RBFOX1: variants seen among roughly 807,000 people sequenced by gnomAD.
RBFOX1 encodes RNA binding protein fox-1 homolog 1.
In RBFOX1, 8 loss-of-function variants were observed where a neutral mutation model predicts 57.7. The ratio of observed to expected loss-of-function variants is 0.14; its 90% CI spans 0.08 to 0.25. The LOEUF (loss-of-function observed/expected upper bound fraction) is 0.25, where lower values mean the gene tolerates loss of function less well. Ranked by LOEUF, RBFOX1 falls within the 10% of genes least tolerant of loss-of-function variation. The pLI is 1.00. For missense variants in RBFOX1, 611 were observed against 548.5 expected (o/e 1.11, Z -1.14); for synonymous variants, 326 against 222.4 (o/e 1.47, Z -4.15).
At chr16:7,106,984 AACAC>A (rs61104403) in intron 4 of RBFOX1, among the ~76,000 whole-genome samples, 139 of 148,628 alleles carry the variant, frequency 9.4e-4, no homozygotes, top group African/African-American at 3.0e-3. Context: ...ACACAGTTAA[AACAC>A]ACACACACAC....
intron 4 of RBFOX1, among the ~76,000 whole-genome samples, chr16:7,354,073 G>C (rs1328033249): frequency 6.6e-6 from 1 of 152,162 alleles, no homozygotes; most frequent in Non-Finnish European, 1.5e-5. Context: ...CCAGGTTCAA[G>C]CGATTCTCCT....
chr16:7,322,998 A>G (rs753259384), intron 4 of RBFOX1, among the ~76,000 whole-genome samples: 43 of 151,934 alleles, frequency 2.8e-4, no homozygotes, highest in Non-Finnish European at 3.2e-4. Context: ...TTCTCCAGCC[A>G]TCAAAGTCTT....
chr16:6,891,046 C>T (rs1453026849), intron 3 of RBFOX1, among the ~76,000 whole-genome samples: 3 of 152,148 alleles, frequency 2.0e-5, no homozygotes, highest in Non-Finnish European at 2.9e-5. Flanking sequence ...TCTGATTCCC[C>T]TTCATGTTCC....
chr16:6,372,788 G>A (rs2090637006), intron 2 of RBFOX1, among the ~76,000 whole-genome samples: 1 of 151,716 alleles, frequency 6.6e-6, no homozygotes, highest in Non-Finnish European at 1.5e-5. Context: ...AGTATTGTTG[G>A]GTGGAATGGA....
At chr16:7,370,535 C>T (rs1034026697) in intron 4 of RBFOX1, among the ~76,000 whole-genome samples, 3 of 152,182 alleles carry the variant, frequency 2.0e-5, no homozygotes, top group African/African-American at 4.8e-5. Context: ...TCCCTCCCCA[C>T]TCTTTTTAAC....
At chr16:5,559,717 G>T (rs1275133289) in intron 2 of RBFOX1, among the ~76,000 whole-genome samples, 1 of 152,130 alleles carries the variant, frequency 6.6e-6, no homozygotes, top group Non-Finnish European at 1.5e-5. Context: ...TTTCTTCCTA[G>T]GTCATTCTGT....
At chr16:6,199,785 A>G (rs895232921) in intron 1 of RBFOX1, among the ~76,000 whole-genome samples, 1 of 152,130 alleles carries the variant, frequency 6.6e-6, no homozygotes, top group African/African-American at 2.4e-5. Context: ...TATATTTTTA[A>G]AAATCTGTAT....
intron 1 of RBFOX1, among the ~76,000 whole-genome samples, chr16:6,202,616 A>G (rs772779044): frequency 6.6e-6 from 1 of 152,168 alleles, no homozygotes. Flanking sequence ...TTGAGGTATA[A>G]TTGGTATTAA....
In RBFOX1 at chr16:7,608,057, C is replaced by T. The variant is rs554988608; in HGVS notation, c.676+719C>T. 1.1e-3 allele frequency among the ~76,000 whole-genome samples: 171 copies of T among 152,316 alleles called. 1 individual carries two copies. Among genetic ancestry groups the T allele is most frequent in the Non-Finnish European group, 9.4e-4 (64 of 68,020 alleles). ...TCACTACTGCCTGTATGTCTCCTTG[C>T]TCTTGAACAAGGCTGCATTGAATAC... is the stretch of plus-strand genomic sequence containing the variant. On this transcript the variant is annotated intron_variant, in intron 10 of 15. Coordinates refer to ENST00000550418, the MANE Select transcript of RBFOX1 (RefSeq NM_018723.4).
intron 1 of RBFOX1, among the ~76,000 whole-genome samples, chr16:6,042,569 G>T (rs2152418640): frequency 6.6e-6 from 1 of 152,208 alleles, no homozygotes; most frequent in Admixed American, 6.5e-5. Flanking sequence ...AGGAGGTAGA[G>T]ATCTTTGGGA....
chr16:5,497,550 G>A (rs1417504117), intron 2 of RBFOX1, among the ~76,000 whole-genome samples: 2 of 150,408 alleles, frequency 1.3e-5, no homozygotes, highest in Non-Finnish European at 2.9e-5. Flanking sequence ...TGAGAGGCGG[G>A]TGAATCACCT....
intron 4 of RBFOX1, among the ~76,000 whole-genome samples, chr16:7,302,996 C>G (rs1042755114): frequency 6.6e-6 from 1 of 152,202 alleles, no homozygotes; most frequent in Non-Finnish European, 1.5e-5. Flanking sequence ...CTGCAGCCGA[C>G]GGAGTAATCT....
At chr16:6,793,982 A>G (rs2083452198) in intron 3 of RBFOX1, among the ~76,000 whole-genome samples, 1 of 152,154 alleles carries the variant, frequency 6.6e-6, no homozygotes, top group African/African-American at 2.4e-5. Flanking sequence ...GTGGTGTATG[A>G]TTCAGTAACT....
At chr16:6,777,431 A>G (rs1268691364) in intron 3 of RBFOX1, among the ~76,000 whole-genome samples, 1 of 152,168 alleles carries the variant, frequency 6.6e-6, no homozygotes, top group African/African-American at 2.4e-5. Context: ...GAAACCAACC[A>G]AATAACACTA....
chr16:7,241,939 A>T (rs1381478198), intron 4 of RBFOX1, among the ~76,000 whole-genome samples: 1 of 152,194 alleles, frequency 6.6e-6, no homozygotes, highest in Non-Finnish European at 1.5e-5. Context: ...AAATATGTAT[A>T]TCTGCATATG....
chr16:5,554,937 G>A (rs748388665), intron 2 of RBFOX1, among the ~76,000 whole-genome samples: 8 of 152,248 alleles, frequency 5.3e-5, no homozygotes, highest in Non-Finnish European at 1.0e-4. Context: ...TTCAAGGGCA[G>A]GATGCAGAGT....
In RBFOX1 at chr16:7,056,608, T is replaced by A. The variant is rs563235596; in HGVS notation, c.27+4510T>A. On this transcript the variant is annotated intron_variant, in intron 4 of 15. Transcript: ENST00000550418. ...AAAATGATCCTGGGGGCCTGTTGTT[T>A]CCCTGAACTATCTACCAGTTGAGGG... is the stretch of plus-strand genomic sequence containing the variant. Among the ~76,000 whole-genome samples the A allele has an allele frequency of 5.9e-5, 9 of 152,258 alleles. No individual in the cohort carries two copies. The South Asian group carries it at 1.4e-3, about 25-fold the overall frequency.
At chr16:5,745,211 C>T (rs545646534) in intron 3 of RBFOX1, among the ~76,000 whole-genome samples, 4 of 152,034 alleles carry the variant, frequency 2.6e-5, no homozygotes, top group Admixed American at 6.6e-5. Flanking sequence ...TTGTCCTTTG[C>T]GATAGTTTGC....
At chr16:5,324,758 A>G (rs1208368914) in intron 1 of RBFOX1, among the ~76,000 whole-genome samples, 1 of 152,218 alleles carries the variant, frequency 6.6e-6, no homozygotes, top group African/African-American at 2.4e-5. Flanking sequence ...CTAAATGATG[A>G]ACTCACGGAC....
Sources: gnomAD v4.1 joint callset for allele counts (sites outside exome capture counted in the v4.1 genomes callset) on GRCh38, gnomAD v4.1.1 for gene constraint, MANE v1.5 for transcripts, NCBI Gene and HGNC (gene_info 2026-07-23, HGNC 2026-07-21) for gene names.